Variants in ARAP2 observed in about 807,000 individuals in gnomAD.
The protein encoded by ARAP2 is arf-GAP with Rho-GAP domain, ANK repeat and PH domain-containing protein 2.
ARAP2 carries 148 observed loss-of-function variants against 194.5 expected under a neutral mutation model. The observed-to-expected ratio is 0.76, with a 90% confidence interval of 0.67 to 0.87. The LOEUF is 0.87. Ranked by LOEUF, ARAP2 falls within the 40% of genes least tolerant of loss-of-function variation. The pLI is 0.00. For missense variants in ARAP2, 2,128 were observed against 1,989.7 expected (o/e 1.07, Z -1.32); for synonymous variants, 695 against 683.5 (o/e 1.02, Z -0.26).
chr4:36,049,276 T>A (rs998342356), intron 3 of ARAP2, among the ~76,000 whole-genome samples: 15 of 152,308 alleles, frequency 9.8e-5, no homozygotes, highest in African/African-American at 3.4e-4. Context: ...ACTTCCTGTA[T>A]AATTAAATGT....
At chr4:36,239,569 T>C (rs1560749372) in intron 1 of ARAP2, among the ~76,000 whole-genome samples, 1 of 152,216 alleles carries the variant, frequency 6.6e-6, no homozygotes, top group Non-Finnish European at 1.5e-5. Context: ...ATAAGGTATC[T>C]ACCGTAGTCA....
rs1577572484 is a variant in ARAP2, at chr4:36,024,903, G to C, written n.608-5617C>G. ...TACAGGCAAAATTAACTTTCTGCTAGTCCTTGAAAGGAATCTGTGTGCAAA... is the reference window on the plus strand; with the variant it reads ...TACAGGCAAAATTAACTTTCTGCTACTCCTTGAAAGGAATCTGTGTGCAAA... On this transcript the variant is annotated intron_variant and non_coding_transcript_variant, in intron 5 of 12. Transcript: ENST00000503225. Among the ~76,000 whole-genome samples, 3 of 152,196 alleles carry C rather than the reference G, an allele frequency of 2.0e-5. No homozygotes were observed. In the South Asian group the frequency reaches 6.2e-4, roughly 32 times the overall value.
At chr4:36,152,797 G>C (rs1358668338) in intron 15 of ARAP2, among the ~76,000 whole-genome samples, 3 of 152,340 alleles carry the variant, frequency 2.0e-5, no homozygotes, top group South Asian at 2.1e-4. Context: ...GGAAAGAACA[G>C]TATGAGGGAA....
chr4:36,214,481 C>T lies in ARAP2; in HGVS notation c.906-1G>A. The T allele has an allele frequency of 6.3e-7, 1 of 1,587,940 alleles. No individual in the cohort carries two copies. Among genetic ancestry groups the T allele is most frequent in the Non-Finnish European group, 8.6e-7 (1 of 1,164,466 alleles). On this transcript the variant is annotated splice_acceptor_variant, in intron 2 of 32. Transcript: ENST00000303965. LOFTEE classifies it high-confidence loss of function. ...AACATTTCTTCTTTCACGGAAATAG[C>T]TTAAAAAGCAAAGGAGAAAATACTT...
chr4:36,099,659 C>T (rs1250944514), intron 27 of ARAP2, among the ~76,000 whole-genome samples: 1 of 152,060 alleles, frequency 6.6e-6, no homozygotes, highest in Non-Finnish European at 1.5e-5. Context: ...TCAATCTAGG[C>T]AAGAGCTGAA....
At chr4:36,234,365 A>C (rs1157229766) in intron 1 of ARAP2, among the ~76,000 whole-genome samples, 1 of 152,188 alleles carries the variant, frequency 6.6e-6, no homozygotes, top group Non-Finnish European at 1.5e-5. Context: ...TGAGAAGACT[A>C]ATTCCATTCA....
chr4:36,186,842 C>A (rs1401846748), intron 8 of ARAP2, among the ~76,000 whole-genome samples: 1 of 152,198 alleles, frequency 6.6e-6, no homozygotes, highest in African/African-American at 2.4e-5. Flanking sequence ...CATTTAGTTG[C>A]AAGAAAACAA....
rs549730035 is a variant in ARAP2 at position 36,189,142 on chromosome 4, T to C, written c.1558-1571A>G. Reference sequence around the variant, plus strand: ...TCAGGAAGATGAATGGGCAACCTTATACAGAAAAGAGAGAAGGATGTCAAG... The same window carrying C: ...TCAGGAAGATGAATGGGCAACCTTACACAGAAAAGAGAGAAGGATGTCAAG... On this transcript the variant is annotated intron_variant, in intron 7 of 32. Coordinates refer to ENST00000303965, the MANE Select transcript of ARAP2 (RefSeq NM_015230.4). Among the ~76,000 whole-genome samples, 11 of 152,288 alleles carry C rather than the reference T, an allele frequency of 7.2e-5. No individual in the cohort carries two copies. The East Asian group carries it at 2.1e-3, about 29-fold the overall frequency.
chr4:36,239,483 T>A (rs185681543), intron 1 of ARAP2, among the ~76,000 whole-genome samples: 1 of 152,262 alleles, frequency 6.6e-6, no homozygotes, highest in Admixed American at 6.5e-5. Context: ...CATGCTACAA[T>A]ACAGATGAAC....
In ARAP2 at chr4:36,185,951, T is replaced by C. The variant is rs372810726; in HGVS notation, c.1678+1500A>G. Among the ~76,000 whole-genome samples the C allele has an allele frequency of 3.4e-3, 511 of 151,608 alleles. 1 individual carries two copies. Among genetic ancestry groups the C allele is most frequent in the African/African-American group, 8.9e-3 (368 of 41,174 alleles). On this transcript the variant is annotated intron_variant, in intron 8 of 32. Coordinates refer to ENST00000303965, the MANE Select transcript of ARAP2 (RefSeq NM_015230.4). ...CGAGATTGCGCCATTGCACTCAAGCTTGGGCAACAAGAGTGAAACTCTGTC... is the reference window on the plus strand; with the variant it reads ...CGAGATTGCGCCATTGCACTCAAGCCTGGGCAACAAGAGTGAAACTCTGTC...
intron 12 of ARAP2, among the ~76,000 whole-genome samples, chr4:36,160,934 T>A (rs1733758631): frequency 1.3e-5 from 2 of 152,164 alleles, no homozygotes; most frequent in South Asian, 4.1e-4. Flanking sequence ...CTGAGACAGC[T>A]TCACTTTAAA....
At chr4:36,076,553 C>A (rs754514907) in intron 31 of ARAP2, among the ~76,000 whole-genome samples, 1 of 151,660 alleles carries the variant, frequency 6.6e-6, no homozygotes, top group Non-Finnish European at 1.5e-5. Context: ...CTTCTGCCTA[C>A]GCTTTAAATT....
chr4:36,052,744 C>A (rs1049585190), intron 2 of ARAP2, among the ~76,000 whole-genome samples: 3 of 152,122 alleles, frequency 2.0e-5, no homozygotes, highest in Non-Finnish European at 2.9e-5. Flanking sequence ...GCGGGCGGAT[C>A]ACGAGGTCAG....
chr4:36,102,475 A>C (rs541648803), intron 27 of ARAP2, among the ~76,000 whole-genome samples: 2 of 152,126 alleles, frequency 1.3e-5, no homozygotes, highest in South Asian at 4.1e-4. Context: ...TATATTTTTA[A>C]AGTTTATTCA....
chr4:36,098,308 A>AC (rs1431059155), intron 27 of ARAP2, among the ~76,000 whole-genome samples: 1 of 152,056 alleles, frequency 6.6e-6, no homozygotes, highest in Non-Finnish European at 1.5e-5. Flanking sequence ...TTTGGGACTC[A>AC]ATTCCACTTC....
chr4:36,192,724 G>A (rs1372904498), intron 7 of ARAP2, among the ~76,000 whole-genome samples: 1 of 152,188 alleles, frequency 6.6e-6, no homozygotes, highest in Non-Finnish European at 1.5e-5. Context: ...AAGGCTGGTC[G>A]TGGTAGCTCA....
In ARAP2 at chr4:36,242,160, G is replaced by A. The variant is rs763907302; in HGVS notation, c.-160+2019C>T. Among the ~76,000 whole-genome samples, 6 of 152,140 alleles carry A rather than the reference G, an allele frequency of 3.9e-5. No homozygotes were observed. The East Asian group carries it at 5.8e-4, about 15-fold the overall frequency. Reference sequence around the variant, plus strand: ...ACTTTGCAGAAAAGATTAAGACAGCGTCTCATAGCCTCTAATCTCACATCC... The same window carrying A: ...ACTTTGCAGAAAAGATTAAGACAGCATCTCATAGCCTCTAATCTCACATCC... On this transcript the variant is annotated intron_variant, in intron 1 of 32. Transcript: ENST00000303965.
At chr4:36,031,876 A>C (rs972171445) in intron 5 of ARAP2, among the ~76,000 whole-genome samples, 2 of 151,902 alleles carry the variant, frequency 1.3e-5, no homozygotes, top group African/African-American at 4.8e-5. Flanking sequence ...GCCAGGTTGG[A>C]CAGGCTGGTC....
At chr4:36,210,878 T>C (rs1041142732) in intron 5 of ARAP2, 135 bp from the exon 6 acceptor site, 24 of 639,434 alleles carry the variant, frequency 3.8e-5, no homozygotes, top group Middle Eastern at 4.4e-4. Flanking sequence ...ATTAACCCTA[T>C]TGAAAATTTT....
Sources: gnomAD v4.1 joint callset for allele counts (sites outside exome capture counted in the v4.1 genomes callset) on GRCh38, gnomAD v4.1.1 for gene constraint, MANE v1.5 for transcripts, NCBI Gene and HGNC (gene_info 2026-07-23, HGNC 2026-07-21) for gene names.